Variants in TRERF1 observed in about 807,000 individuals in gnomAD.
TRERF1 encodes transcriptional regulating factor 1, also known as transcriptional-regulating factor 1.
A neutral mutation model predicts 122.9 loss-of-function variants in TRERF1; 27 were observed. That is an observed-to-expected ratio of 0.22 (90% CI 0.16 to 0.30). The LOEUF is 0.30. Ranked by LOEUF, TRERF1 falls within the 10% of genes least tolerant of loss-of-function variation. TRERF1 has a pLI of 1.00. For missense variants in TRERF1, 1,248 were observed against 1,560.3 expected (o/e 0.80, Z 3.37); for synonymous variants, 636 against 641.7 (o/e 0.99, Z 0.13).
At chr6:42,323,041 G>C (rs920574149) in intron 3 of TRERF1, among the ~76,000 whole-genome samples, 16 of 150,332 alleles carry the variant, frequency 1.1e-4, no homozygotes, top group African/African-American at 3.7e-4. Context: ...CCATTATCCT[G>C]CCCTCTCCAT....
intron 15 of TRERF1, among the ~76,000 whole-genome samples, chr6:42,236,750 C>T (rs1772323772): frequency 6.6e-6 from 1 of 152,230 alleles, no homozygotes; most frequent in Non-Finnish European, 1.5e-5. Flanking sequence ...ATGACTAAAA[C>T]TCAGGCTGCG....
intron 2 of TRERF1, among the ~76,000 whole-genome samples, chr6:42,389,748 G>A (rs1562118001): frequency 6.6e-6 from 1 of 152,192 alleles, no homozygotes; most frequent in East Asian, 1.9e-4. Context: ...CATTAGCACA[G>A]CTATTATTGT....
At chr6:42,435,811 CA>C (rs59595247) in intron 2 of TRERF1, among the ~76,000 whole-genome samples, 82 of 142,212 alleles carry the variant, frequency 5.8e-4, no homozygotes, top group Admixed American at 4.9e-4. Flanking sequence ...CCGTCTTTAC[CA>C]AAAAAAAAAA....
intron 3 of TRERF1, among the ~76,000 whole-genome samples, chr6:42,318,219 C>T (rs1021713199): frequency 6.6e-6 from 1 of 152,028 alleles, no homozygotes; most frequent in Non-Finnish European, 1.5e-5. Flanking sequence ...CACTCTAACG[C>T]TACAAGAAAT....
intron 4 of TRERF1, among the ~76,000 whole-genome samples, chr6:42,282,317 G>A (rs983839205): frequency 6.6e-6 from 1 of 152,218 alleles, no homozygotes; most frequent in African/African-American, 2.4e-5. Flanking sequence ...GGAGGATGAG[G>A]CAGGAGGATT....
intron 4 of TRERF1, among the ~76,000 whole-genome samples, chr6:42,280,457 G>T (rs1316532443): frequency 6.6e-6 from 1 of 152,152 alleles, no homozygotes; most frequent in Admixed American, 6.5e-5. Context: ...TTGCTCACTT[G>T]CTCGTCTCCG....
At chr6:42,358,974 C>T (rs190999910) in intron 3 of TRERF1, among the ~76,000 whole-genome samples, 2 of 152,224 alleles carry the variant, frequency 1.3e-5, no homozygotes, top group Admixed American at 1.3e-4. Context: ...CTTTAGTCAA[C>T]ACTCAGGGAG....
rs1261079528 is a variant in TRERF1 at position 42,275,745 on chromosome 6, T to G, written c.-258-5897A>C. 5.9e-5 allele frequency among the ~76,000 whole-genome samples: 9 copies of G among 152,226 alleles called. No homozygotes were observed. The South Asian group carries it at 1.7e-3, about 28-fold the overall frequency. On this transcript the variant is annotated intron_variant, in intron 4 of 17. Coordinates refer to ENST00000372922, the Ensembl canonical transcript of TRERF1. The surrounding 1 kb of genome is among the most constrained non-coding windows in gnomAD (Gnocchi z 4.1). ...ATAGTGCCCTAAAGCACCAAATTTA[T>G]GGAGTGCTGTAGATAATAACAAGGC...
intron 4 of TRERF1, among the ~76,000 whole-genome samples, chr6:42,297,153 T>C (rs1785248367): frequency 6.6e-6 from 1 of 152,140 alleles, no homozygotes; most frequent in Admixed American, 6.6e-5. Context: ...CACTCTTCTG[T>C]GAAGAAATAG....
At chr6:42,325,311 T>G (rs1057029451) in intron 3 of TRERF1, among the ~76,000 whole-genome samples, 1 of 152,050 alleles carries the variant, frequency 6.6e-6, no homozygotes, top group African/African-American at 2.4e-5. Context: ...TTGATGGGAG[T>G]GTAAATTAGT....
At chr6:42,398,380 C>CATCA (rs1157042849) in intron 2 of TRERF1, among the ~76,000 whole-genome samples, 4 of 152,140 alleles carry the variant, frequency 2.6e-5, no homozygotes, top group Admixed American at 6.5e-5. Flanking sequence ...AGAGTGTGGC[C>CATCA]ATCACATGCC....
rs1788558557 is a variant in TRERF1 at position 42,451,661 on chromosome 6, G to A, written c.-539+360C>T. Among the ~76,000 whole-genome samples the A allele has an allele frequency of 7.5e-6, 1 of 132,758 alleles. No individual in the cohort carries two copies. The highest frequency in any genetic ancestry group is 2.9e-5 in the African/African-American group (1 of 34,812). 87.1% of individuals were successfully genotyped at this position (132,758 alleles called of 152,430 possible). ...TCCTCCTCCCCATGCGCCCTCCCCG[G>A]CCAGAAACTTACTAGTGAGCAAGCG... On this transcript the variant is annotated intron_variant, in intron 1 of 17. Coordinates refer to ENST00000372922, the Ensembl canonical transcript of TRERF1.
At chr6:42,272,560 C>T (rs1033942039) in intron 4 of TRERF1, among the ~76,000 whole-genome samples, 1 of 152,164 alleles carries the variant, frequency 6.6e-6, no homozygotes, top group Non-Finnish European at 1.5e-5. Context: ...AGATGATGCC[C>T]ACCCCCAAGT....
At chr6:42,225,350 T>C (rs1263954213) in exon 18 of TRERF1, 1 of 152,026 alleles carries the variant, frequency 6.6e-6, no homozygotes, top group Admixed American at 6.6e-5. Context: ...ATAAGACTTT[T>C]GGTTCACCTT....
At chr6:42,309,303 T>C (rs1370289803) in intron 3 of TRERF1, among the ~76,000 whole-genome samples, 2 of 152,190 alleles carry the variant, frequency 1.3e-5, no homozygotes, top group East Asian at 1.9e-4. Flanking sequence ...CACTGCAAGG[T>C]AGAAATGATC....
At chr6:42,417,455 A>T (rs1373114020) in intron 2 of TRERF1, among the ~76,000 whole-genome samples, 1 of 152,236 alleles carries the variant, frequency 6.6e-6, no homozygotes, top group Non-Finnish European at 1.5e-5. Flanking sequence ...CTGCCCTCTA[A>T]GAGTGTGTCA....
chr6:42,325,674 G>T (rs1328849454), intron 3 of TRERF1, among the ~76,000 whole-genome samples: 2 of 152,188 alleles, frequency 1.3e-5, no homozygotes, highest in Non-Finnish European at 2.9e-5. Context: ...AGGAAATCAA[G>T]ACTAGGCTGG....
At chr6:42,357,058 C>T (rs1334979787) in intron 3 of TRERF1, among the ~76,000 whole-genome samples, 7 of 151,830 alleles carry the variant, frequency 4.6e-5, no homozygotes, top group African/African-American at 1.5e-4. Context: ...TGGCTGGGTG[C>T]GGTGACTCAC....
intron 5 of TRERF1, among the ~76,000 whole-genome samples, chr6:42,266,257 T>C (rs1009463248): frequency 6.7e-6 from 1 of 149,942 alleles, no homozygotes; most frequent in African/African-American, 2.4e-5. Context: ...AGCATGATCA[T>C]GGCTCACTGC....
Sources: gnomAD v4.1 joint callset for allele counts (sites outside exome capture counted in the v4.1 genomes callset) on GRCh38, gnomAD v4.1.1 for gene constraint, Gnocchi (gnomAD v3.1) non-coding constraint, MANE v1.5 for transcripts, NCBI Gene and HGNC (gene_info 2026-07-23, HGNC 2026-07-21) for gene names.